PTPRK: variants seen among roughly 807,000 people sequenced by gnomAD.
PTPRK encodes receptor-type tyrosine-protein phosphatase kappa.
In PTPRK, 75 loss-of-function variants were observed where a neutral mutation model predicts 178.0. The ratio of observed to expected loss-of-function variants is 0.42; its 90% CI spans 0.35 to 0.51. The LOEUF is 0.51. Among genes scored for constraint, PTPRK ranks in the 20% least tolerant of loss-of-function variants. PTPRK has a pLI of 0.02. For missense variants in PTPRK, 1,441 were observed against 1,797.8 expected, an observed-to-expected ratio of 0.80 and a Z score of 3.59; for synonymous variants, 637 against 620.6, an observed-to-expected ratio of 1.03 and a Z score of -0.39.
At chr6:128,498,376 T>TA (rs1312826188) in intron 1 of PTPRK, among the ~76,000 whole-genome samples, 1 of 152,224 alleles carries the variant, frequency 6.6e-6, no homozygotes, top group African/African-American at 2.4e-5. Flanking sequence ...CTTGCCCACT[T>TA]AAACGAACCA....
At chr6:127,987,292 A>AT (rs1197041251) in intron 21 of PTPRK, among the ~76,000 whole-genome samples, 2 of 151,564 alleles carry the variant, frequency 1.3e-5, no homozygotes, top group Non-Finnish European at 1.5e-5. Context: ...AAATCCAATG[A>AT]TTTTCCAAAT....
At chr6:128,225,433 T>A (rs774958116) in intron 5 of PTPRK, among the ~76,000 whole-genome samples, 3 of 152,104 alleles carry the variant, frequency 2.0e-5, no homozygotes, top group Non-Finnish European at 2.9e-5. Context: ...GACGTGAAAT[T>A]TACAACATTC....
At chr6:128,377,063 G>A (rs774938837) in intron 2 of PTPRK, among the ~76,000 whole-genome samples, 1 of 152,052 alleles carries the variant, frequency 6.6e-6, no homozygotes, top group Non-Finnish European at 1.5e-5. Context: ...CCTCTAAACT[G>A]TTCTAACCTC....
chr6:128,134,621 G>C (rs1242393368), intron 7 of PTPRK, among the ~76,000 whole-genome samples: 1 of 152,072 alleles, frequency 6.6e-6, no homozygotes, highest in Non-Finnish European at 1.5e-5. Flanking sequence ...GACCAGCCTG[G>C]GCGATGTGAC....
chr6:128,081,011 A>G (rs1462470440), intron 10 of PTPRK, among the ~76,000 whole-genome samples: 1 of 151,986 alleles, frequency 6.6e-6, no homozygotes, highest in East Asian at 1.9e-4. Context: ...GCCTTGAGAG[A>G]CATACACACA....
intron 13 of PTPRK, among the ~76,000 whole-genome samples, chr6:128,036,026 T>G (rs1438202097): frequency 6.6e-6 from 1 of 152,214 alleles, no homozygotes; most frequent in Non-Finnish European, 1.5e-5. Context: ...GGTTATCTTT[T>G]GAAATTACGT....
intron 25 of PTPRK, among the ~76,000 whole-genome samples, chr6:127,978,449 G>A (rs1583481190): frequency 6.6e-6 from 1 of 152,132 alleles, no homozygotes; most frequent in African/African-American, 2.4e-5. Flanking sequence ...GAAGAAGGAC[G>A]GGTTTGCTTC....
intron 3 of PTPRK, among the ~76,000 whole-genome samples, chr6:128,282,929 G>A (rs1054397199): frequency 2.6e-5 from 4 of 151,278 alleles, no homozygotes; most frequent in Non-Finnish European, 5.9e-5. Context: ...GAATGAGATG[G>A]CTGCAGAAAG....
rs1778084678 is a variant in PTPRK at position 128,046,699 on chromosome 6, C to T, written c.2194+18059G>A. Among the ~76,000 whole-genome samples the T allele has an allele frequency of 2.6e-5, 4 of 152,026 alleles. No homozygotes were observed. In the South Asian group the frequency reaches 8.3e-4, roughly 32 times the overall value. On this transcript the variant is annotated intron_variant, in intron 13 of 29. Coordinates refer to ENST00000368226, the MANE Select transcript of PTPRK (RefSeq NM_002844.4). ...AAATATAGATTTTTTTAAACCCTTG[C>T]TTTTAAACCACCCTCCACTTTTGTA...
At chr6:128,191,212 T>C (rs944683514) in intron 6 of PTPRK, among the ~76,000 whole-genome samples, 1 of 152,210 alleles carries the variant, frequency 6.6e-6, no homozygotes, top group African/African-American at 2.4e-5. Context: ...ACTATATTTT[T>C]ATTACTGTTA....
intron 7 of PTPRK, among the ~76,000 whole-genome samples, chr6:128,134,003 G>C (rs949246937): frequency 6.6e-6 from 1 of 152,024 alleles, no homozygotes; most frequent in African/African-American, 2.4e-5. Flanking sequence ...TGCAACCAAA[G>C]TGACAAAACA....
chr6:128,455,860 T>C (rs1429466763), intron 1 of PTPRK, among the ~76,000 whole-genome samples: 7 of 152,084 alleles, frequency 4.6e-5, no homozygotes, highest in African/African-American at 1.7e-4. Context: ...AGAAAAAATG[T>C]CCAGACACAA....
chr6:128,325,401 G>A (rs1382383138), intron 2 of PTPRK, among the ~76,000 whole-genome samples: 1 of 151,894 alleles, frequency 6.6e-6, no homozygotes, highest in Non-Finnish European at 1.5e-5. Context: ...TACAGAATGG[G>A]AAAAAATTTT....
At chr6:128,081,176 T>C (rs1364402810) in intron 10 of PTPRK, among the ~76,000 whole-genome samples, 3 of 152,090 alleles carry the variant, frequency 2.0e-5, no homozygotes, top group Non-Finnish European at 4.4e-5. Flanking sequence ...CCTATCTCAG[T>C]GCATCGTAAC....
chr6:128,281,637 G>T (rs1398462481), intron 3 of PTPRK, among the ~76,000 whole-genome samples: 3 of 152,100 alleles, frequency 2.0e-5, no homozygotes, highest in African/African-American at 7.2e-5. Context: ...TTCCCTGGAA[G>T]CAGAACTGTA....
At chr6:128,204,956 T>C (rs917461604) in intron 6 of PTPRK, among the ~76,000 whole-genome samples, 8 of 152,130 alleles carry the variant, frequency 5.3e-5, no homozygotes, top group South Asian at 4.1e-4. Context: ...TAAAGATACA[T>C]GCATGTGTGT....
In PTPRK at chr6:127,985,828, G is replaced by C. The variant is rs1402353210; in HGVS notation, c.3144C>G (p.Gly1048=). The C allele has an allele frequency of 6.2e-7, 1 of 1,613,786 alleles. No homozygotes were observed. The highest frequency in any genetic ancestry group is 8.5e-7 in the Non-Finnish European group (1 of 1,179,788). Residue 1048 remains glycine, a synonymous_variant, in exon 22 of 30, where the codon GGC becomes GGG. Transcript: ENST00000368226. The part of the protein sequence containing the change: ...IREVKQFHFT[G]WPDHGVPYHA... ...GGTAGGGCACTCCATGGTCAGGCCAGCCCGTGAAATGGAACTGTTTAACTT... is the reference window on the plus strand; with the variant it reads ...GGTAGGGCACTCCATGGTCAGGCCACCCCGTGAAATGGAACTGTTTAACTT...
chr6:128,203,474 G>T (rs552248239), intron 6 of PTPRK, among the ~76,000 whole-genome samples: 2 of 152,322 alleles, frequency 1.3e-5, no homozygotes, highest in East Asian at 3.9e-4. Flanking sequence ...AATAGGAAGA[G>T]AGGAAGTTGA....
chr6:128,342,563 CA>C (rs879599225), intron 2 of PTPRK, among the ~76,000 whole-genome samples: 2,943 of 139,806 alleles, frequency 0.021, 39 homozygotes, highest in African/African-American at 0.039. Context: ...ACAGTTATGA[CA>C]AAAAAAAAAA....
Sources: allele counts gnomAD v4.1 joint callset (sites outside exome capture counted in the v4.1 genomes callset), GRCh38; gene constraint gnomAD v4.1.1; transcripts MANE v1.5; gene names NCBI Gene and HGNC (gene_info 2026-07-23, HGNC 2026-07-21).